Variants in FGF10 observed in about 807,000 individuals in gnomAD.
FGF10 encodes the protein FGF-10.
Under a neutral mutation model 19.8 loss-of-function variants are expected in FGF10, and 2 were observed. That is an observed-to-expected ratio of 0.10 (90% CI 0.04 to 0.32). FGF10 has a LOEUF of 0.32. FGF10 is among the 10% of genes least tolerant of loss of function. The pLI is 1.00. For synonymous variants in FGF10, 112 were observed against 94.0 expected (o/e 1.19, Z -1.10); for missense variants, 191 against 246.3 (o/e 0.78, Z 1.50).
At chr5:44,318,314 A>T (rs1467819575) in intron 1 of FGF10, among the ~76,000 whole-genome samples, 1 of 152,172 alleles carries the variant, frequency 6.6e-6, no homozygotes, top group Non-Finnish European at 1.5e-5. Flanking sequence ...ATAGGTAAAC[A>T]TTTCTGTATC....
chr5:44,313,588 G>T (rs1042267652), intron 1 of FGF10, among the ~76,000 whole-genome samples: 7 of 146,842 alleles, frequency 4.8e-5, no homozygotes, highest in South Asian at 2.1e-4. Flanking sequence ...ATAAAAAAAG[G>T]TTTTTTTTTT....
intron 1 of FGF10, among the ~76,000 whole-genome samples, chr5:44,326,046 A>G (rs1481795135): frequency 6.6e-6 from 1 of 152,200 alleles, no homozygotes; most frequent in African/African-American, 2.4e-5. Context: ...AAGCATTTAA[A>G]AATAAAAATA....
chr5:44,307,929 T>C (rs531187477), intron 2 of FGF10, among the ~76,000 whole-genome samples: 1 of 152,350 alleles, frequency 6.6e-6, no homozygotes, highest in East Asian at 1.9e-4. Flanking sequence ...AAGTATGTTC[T>C]GTAATTGGCT....
At chr5:44,368,935 T>C (rs1741683313) in intron 1 of FGF10, among the ~76,000 whole-genome samples, 1 of 152,104 alleles carries the variant, frequency 6.6e-6, no homozygotes, top group Non-Finnish European at 1.5e-5. Context: ...TCCAAAGTGT[T>C]GAGATTACAG....
chr5:44,336,923 A>T (rs1351882053), intron 1 of FGF10, among the ~76,000 whole-genome samples: 1 of 152,134 alleles, frequency 6.6e-6, no homozygotes, highest in Admixed American at 6.6e-5. Flanking sequence ...AATTTGGGGA[A>T]GTGGCAAGGC....
chr5:44,346,111 T>A (rs898008956), intron 1 of FGF10, among the ~76,000 whole-genome samples: 1 of 151,790 alleles, frequency 6.6e-6, no homozygotes, highest in Non-Finnish European at 1.5e-5. Flanking sequence ...CTGTTCCTTG[T>A]CCCACAGCCT....
Position 44,388,817 on chromosome 5 carries a change from G to T in FGF10, c.-135C>A. ...CTCCCTCTGGGCGCGGATCTGGCCAGAAGTGAATGCACCAACATCCATAAC... is the reference window on the plus strand; with the variant it reads ...CTCCCTCTGGGCGCGGATCTGGCCATAAGTGAATGCACCAACATCCATAAC... On this transcript the variant is annotated 5_prime_UTR_variant, in exon 1 of 3. The change creates a new upstream start codon in the 5' untranslated region. Coordinates refer to ENST00000264664, the MANE Select transcript of FGF10 (RefSeq NM_004465.2). 1 of 844,286 alleles carries T rather than the reference G, an allele frequency of 1.2e-6. No homozygotes were observed. Among genetic ancestry groups the T allele is most frequent in the Non-Finnish European group, 2.0e-6 (1 of 503,926 alleles). 52.3% of individuals were successfully genotyped at this position (844,286 alleles called of 1,614,324 possible).
At chr5:44,320,045 C>A (rs73755405) in intron 1 of FGF10, among the ~76,000 whole-genome samples, 3,257 of 152,234 alleles carry the variant, frequency 0.021, 71 homozygotes, top group African/African-American at 0.058. Context: ...GGAGCTCGAA[C>A]ACTATTGTGA....
At chr5:44,351,496 A>G (rs1222693200) in intron 1 of FGF10, among the ~76,000 whole-genome samples, 1 of 151,590 alleles carries the variant, frequency 6.6e-6, no homozygotes, top group Non-Finnish European at 1.5e-5. Context: ...AATATCTCTG[A>G]CGATTTGAGA....
chr5:44,354,215 G>GTTA (rs1436545576), intron 1 of FGF10, among the ~76,000 whole-genome samples: 3 of 150,776 alleles, frequency 2.0e-5, no homozygotes, highest in Non-Finnish European at 4.4e-5. Context: ...CTCTTAAATA[G>GTTA]AAAGTAGAGA....
chr5:44,314,960 A>T (rs1302828086), intron 1 of FGF10, among the ~76,000 whole-genome samples: 1 of 152,174 alleles, frequency 6.6e-6, no homozygotes, highest in Non-Finnish European at 1.5e-5. Flanking sequence ...GTGAAAAATA[A>T]GTGCAAAATC....
At chr5:44,384,833 G>A (rs1742062770) in intron 1 of FGF10, among the ~76,000 whole-genome samples, 1 of 152,054 alleles carries the variant, frequency 6.6e-6, no homozygotes. Context: ...AGGCCCAGGA[G>A]CCTTTTTTGT....
At chr5:44,382,452 T>C (rs1742005905) in intron 1 of FGF10, among the ~76,000 whole-genome samples, 1 of 152,158 alleles carries the variant, frequency 6.6e-6, no homozygotes, top group Non-Finnish European at 1.5e-5. Context: ...AGTATCAGAG[T>C]GTCACTAGTG....
At position 44,302,528 on chromosome 5, in the gene FGF10, T is replaced by A. The variant is rs1341642528; in HGVS notation, c.*2467A>T. Among the ~76,000 whole-genome samples, 47 of 151,842 alleles carry A rather than the reference T, an allele frequency of 3.1e-4. No homozygotes were observed. On this transcript the variant is annotated 3_prime_UTR_variant, in exon 3 of 3. Coordinates refer to ENST00000264664, the MANE Select transcript of FGF10 (RefSeq NM_004465.2). ...TATATGCCACCACGCATGGCTACAT[T>A]TGTTTTGTTTTGTTTTGTTTAAGAG...
At chr5:44,349,794 A>G (rs1420709417) in intron 1 of FGF10, among the ~76,000 whole-genome samples, 1 of 151,192 alleles carries the variant, frequency 6.6e-6, no homozygotes, top group African/African-American at 2.4e-5. Flanking sequence ...AAAGTTGAGT[A>G]GTTAAGGTCA....
intron 1 of FGF10, among the ~76,000 whole-genome samples, chr5:44,346,863 A>G (rs899107951): frequency 9.9e-5 from 15 of 151,994 alleles, no homozygotes; most frequent in Admixed American, 3.3e-4. Context: ...GTGTCAACTA[A>G]TTTAAATTAA....
intron 1 of FGF10, among the ~76,000 whole-genome samples, chr5:44,349,453 T>TATATATATATATATATATATATCAGA (rs1741180116): frequency 3.5e-4 from 8 of 23,064 alleles, no homozygotes; most frequent in Non-Finnish European, 5.5e-4. Context: ...TATATATATA[T>TATATATATATATATATATATATCAGA]ATATATATAT....
chr5:44,331,844 C>CT (rs1453979339), intron 1 of FGF10, among the ~76,000 whole-genome samples: 1 of 152,070 alleles, frequency 6.6e-6, no homozygotes, highest in Non-Finnish European at 1.5e-5. Flanking sequence ...AAAAGAATGT[C>CT]TAACAGTGCC....
intron 1 of FGF10, among the ~76,000 whole-genome samples, chr5:44,363,935 C>T (rs959099571): frequency 6.6e-6 from 1 of 151,738 alleles, no homozygotes; most frequent in African/African-American, 2.4e-5. Flanking sequence ...CAAGTTTGCA[C>T]CTGGTAATAA....
Sources: allele counts gnomAD v4.1 joint callset (sites outside exome capture counted in the v4.1 genomes callset), GRCh38; gene constraint gnomAD v4.1.1; transcripts MANE v1.5; gene names NCBI Gene and HGNC (gene_info 2026-07-23, HGNC 2026-07-21).